Variants in SCAMP5 observed in about 807,000 individuals in gnomAD.
SCAMP5 encodes the protein secretory carrier membrane protein 5, also known as secretory carrier-associated membrane protein 5.
In SCAMP5, 7 loss-of-function variants were observed where a neutral mutation model predicts 28.3. The ratio of observed to expected loss-of-function variants is 0.25; its 90% CI spans 0.14 to 0.46. SCAMP5 has a LOEUF of 0.46. Among genes scored for constraint, SCAMP5 ranks in the 20% least tolerant of loss-of-function variants. The pLI is 0.99. For missense variants in SCAMP5, 192 were observed against 312.5 expected, an observed-to-expected ratio of 0.61 and a Z score of 2.91; for synonymous variants, 117 against 116.4, an observed-to-expected ratio of 1.00 and a Z score of -0.03.
chr15:75,018,521 A>G lies in SCAMP5; in HGVS notation c.499A>G (p.Ile167Val). 6.2e-7 allele frequency: 1 copy of G among 1,609,466 alleles called. No homozygotes were observed. The highest frequency in any genetic ancestry group is 8.5e-7 in the Non-Finnish European group (1 of 1,175,936). ...CACAGTGATGGCCGTCTTTTCCTTC[A>G]TCGCCCTCAGCATGGTACGTGGTCC... is the stretch of plus-strand genomic sequence containing the variant. The part of the protein sequence containing the change: ...MFTVMAVFSF[I>V]ALSMVHKFYR... Residue 167 changes from isoleucine (I) to valine (V), a missense_variant, in exon 6 of 7, where the codon ATC (isoleucine) becomes GTC (valine). By Grantham distance (29) the Ile-to-Val change is conservative (BLOSUM62 3). Transcript: ENST00000425597. This position sits in a 1 kb window ranked among gnomAD's most constrained non-coding sequence, Gnocchi z 5.6.
Position 75,020,769 on chromosome 15 carries a change from C to G in SCAMP5, c.*1786C>G, listed in dbSNP as rs1332453508. The G allele has an allele frequency of 6.6e-6, 1 of 152,216 alleles. No homozygotes were observed. The highest frequency in any genetic ancestry group is 1.5e-5 in the Non-Finnish European group (1 of 68,060). 9.4% of individuals were successfully genotyped at this position (152,216 alleles called of 1,614,324 possible). On this transcript the variant is annotated 3_prime_UTR_variant, in exon 7 of 7. Transcript: ENST00000425597. ...AAAATCCAAACCCCACTTGGCTACT[C>G]TGGCCTGGCTTCAGCTTGGAACCCA... is the stretch of plus-strand genomic sequence containing the variant.
intron 1 of SCAMP5, among the ~76,000 whole-genome samples, chr15:74,998,371 C>T (rs78404800): frequency 0.089 from 13,591 of 152,040 alleles, 1,272 homozygotes; most frequent in South Asian, 0.43. Context: ...TTGGGGAGGC[C>T]GAGGCGGGTG....
At chr15:75,005,877 A>T (rs1047804084) in intron 1 of SCAMP5, among the ~76,000 whole-genome samples, 6 of 150,120 alleles carry the variant, frequency 4.0e-5, no homozygotes, top group African/African-American at 1.5e-4. Context: ...AGCACGTGCT[A>T]CCATGCCTGG....
intron 1 of SCAMP5, among the ~76,000 whole-genome samples, chr15:75,008,106 T>C (rs1450455279): frequency 2.0e-5 from 3 of 152,158 alleles, no homozygotes; most frequent in African/African-American, 7.2e-5. Context: ...TTTTCTTGTC[T>C]GTGAGATTGT....
intron 1 of SCAMP5, among the ~76,000 whole-genome samples, chr15:75,009,070 A>G (rs1219642161): frequency 6.6e-6 from 1 of 151,906 alleles, no homozygotes; most frequent in Non-Finnish European, 1.5e-5. Context: ...TTTTTTAACT[A>G]CTCATCTTTT....
At position 75,020,457 on chromosome 15, in the gene SCAMP5, T is replaced by G. The variant is rs1411560246; in HGVS notation, c.*1474T>G. On this transcript the variant is annotated 3_prime_UTR_variant, in exon 7 of 7. Transcript: ENST00000425597. Reference sequence around the variant, plus strand: ...GGTTAGGCAGGGTGGGAGGGGAGGCTCTCTGGCTTTAGTTTTGTTTTGTTT... The same window carrying G: ...GGTTAGGCAGGGTGGGAGGGGAGGCGCTCTGGCTTTAGTTTTGTTTTGTTT... 6.6e-6 allele frequency: 1 copy of G among 152,654 alleles called. No homozygotes were observed. Among genetic ancestry groups the G allele is most frequent in the African/African-American group, 2.4e-5 (1 of 41,422 alleles). 9.5% of individuals were successfully genotyped at this position (152,654 alleles called of 1,614,324 possible).
Position 75,018,520 on chromosome 15 carries a change from C to T in SCAMP5, c.498C>T (p.Phe166=), listed in dbSNP as rs758841329. 6.8e-6 allele frequency: 11 copies of T among 1,609,218 alleles called. No homozygotes were observed. In the East Asian group the frequency reaches 2.0e-4, roughly 29 times the overall value. ...TCACAGTGATGGCCGTCTTTTCCTT[C>T]ATCGCCCTCAGCATGGTACGTGGTC... ...VMFTVMAVFS[F]IALSMVHKFY... Residue 166 remains phenylalanine, a synonymous_variant, in exon 6 of 7, where the codon TTC becomes TTT. Transcript: ENST00000425597. The surrounding 1 kb of genome is among the most constrained non-coding windows in gnomAD (Gnocchi z 5.6).
At chr15:75,001,573 C>A (rs2065708655) in intron 1 of SCAMP5, among the ~76,000 whole-genome samples, 1 of 151,438 alleles carries the variant, frequency 6.6e-6, no homozygotes. Context: ...TCCAGGAGTT[C>A]AAGACAAACC....
intron 1 of SCAMP5, chr15:75,011,541 C>A: frequency 3.4e-6 from 1 of 294,584 alleles, no homozygotes; most frequent in Middle Eastern, 9.4e-4. Flanking sequence ...AGGTTCCTTT[C>A]CTACCCTTGG....
At position 74,999,535 on chromosome 15, in the gene SCAMP5, A is replaced by G. The variant is rs566548318; in HGVS notation, c.-49+3862A>G. ...CATGTTTTCCCGAGGCGGAGCTTGC[A>G]GTGAGCCGAGATCGCACCACTGCCC... On this transcript the variant is annotated intron_variant, in intron 1 of 6. Coordinates refer to ENST00000425597, the MANE Select transcript of SCAMP5 (RefSeq NM_138967.4). Among the ~76,000 whole-genome samples, 6 of 152,282 alleles carry G rather than the reference A, an allele frequency of 3.9e-5. No individual in the cohort carries two copies. The East Asian group carries it at 1.2e-3, about 29-fold the overall frequency.
intron 1 of SCAMP5, among the ~76,000 whole-genome samples, chr15:75,005,198 C>T (rs984988911): frequency 2.0e-5 from 3 of 151,872 alleles, no homozygotes; most frequent in Admixed American, 6.6e-5. Context: ...ATCCAAGATC[C>T]GGGCCTGTAA....
rs372803391 is a variant in SCAMP5 at position 75,016,613 on chromosome 15, G to A, written c.157G>A (p.Val53Met). Residue 53 changes from valine to methionine, a missense_variant, in exon 4 of 7, where the codon GTG becomes ATG. Transcript: ENST00000425597. Reference sequence around the variant, plus strand: ...TGCAGTGAACAGCGTCACGCTGGCCGTGAACCTGGTGGGCTGTCTCGCGTG... The same window carrying A: ...TGCAGTGAACAGCGTCACGCTGGCCATGAACCTGGTGGGCTGTCTCGCGTG... ...LWMLNSVTLA[V>M]NLVGCLAWLI... The A allele has an allele frequency of 2.1e-5, 34 of 1,613,316 alleles. No homozygotes were observed. Among genetic ancestry groups the A allele is most frequent in the Non-Finnish European group, 2.6e-5 (31 of 1,179,762 alleles).
At position 75,018,955 on chromosome 15, in the gene SCAMP5, C is replaced by G. The variant is rs749395747; in HGVS notation, c.680C>G (p.Pro227Arg). ...CCTCAGACTCAGTATTCCGCCACCC[C>G]CAATTACACGTACTCCAATGAGATG... is the stretch of plus-strand genomic sequence containing the variant. ...NQPQTQYSAT[P>R]NYTYSNEM The change falls in exon 7 of 7, where the codon CCC becomes CGC. Residue 227 changes from proline to arginine, a missense_variant. By Grantham distance (103) the Pro-to-Arg change is moderately radical (BLOSUM62 -2). Coordinates refer to ENST00000425597, the MANE Select transcript of SCAMP5 (RefSeq NM_138967.4). This position sits in a 1 kb window ranked among gnomAD's most constrained non-coding sequence, Gnocchi z 5.6. The G allele has an allele frequency of 6.5e-7, 1 of 1,534,214 alleles. No homozygotes were observed.
intron 1 of SCAMP5, among the ~76,000 whole-genome samples, chr15:75,008,559 G>T (rs932621932): frequency 1.1e-4 from 17 of 150,620 alleles, no homozygotes; most frequent in African/African-American, 3.9e-4. Context: ...GAGTGCAGCA[G>T]CGAAATCTTG....
chr15:75,015,302 G>A (rs1355841708), intron 3 of SCAMP5, among the ~76,000 whole-genome samples: 2 of 152,164 alleles, frequency 1.3e-5, no homozygotes, highest in African/African-American at 4.8e-5. Context: ...TCAAGGAAGG[G>A]AGTGCCCTGA....
chr15:75,001,330 T>C (rs2065706220), intron 1 of SCAMP5, among the ~76,000 whole-genome samples: 1 of 150,874 alleles, frequency 6.6e-6, no homozygotes. Flanking sequence ...CCTTGACTCC[T>C]GTAAGACAGA....
chr15:75,006,249 G>A (rs983547930), intron 1 of SCAMP5, among the ~76,000 whole-genome samples: 6 of 151,480 alleles, frequency 4.0e-5, no homozygotes, highest in African/African-American at 7.3e-5. Context: ...CTCCTGCCTC[G>A]GCCTCCCAAA....
At chr15:75,003,398 AT>A (rs1214183253) in intron 1 of SCAMP5, among the ~76,000 whole-genome samples, 3 of 152,000 alleles carry the variant, frequency 2.0e-5, no homozygotes, top group East Asian at 1.9e-4. Context: ...CAATTACCAT[AT>A]TTTTTTCTTG....
At chr15:75,013,915 C>T (rs2065836686) in intron 3 of SCAMP5, among the ~76,000 whole-genome samples, 1 of 151,728 alleles carries the variant, frequency 6.6e-6, no homozygotes, top group Admixed American at 6.6e-5. Context: ...AGTGTAAAGG[C>T]CTCATTTCTG....
Sources: gnomAD v4.1 joint callset for allele counts (sites outside exome capture counted in the v4.1 genomes callset) on GRCh38, gnomAD v4.1.1 for gene constraint, Gnocchi (gnomAD v3.1) non-coding constraint, MANE v1.5 for transcripts, NCBI Gene and HGNC (gene_info 2026-07-23, HGNC 2026-07-21) for gene names.